Variants in ZNF638 observed in about 807,000 individuals in gnomAD.
ZNF638 encodes the protein zinc finger protein 638.
A neutral mutation model predicts 195.6 loss-of-function variants in ZNF638; 46 were observed. The observed-to-expected ratio is 0.24, with a 90% CI of 0.19 to 0.30. The LOEUF (loss-of-function observed/expected upper bound fraction) is 0.30, where lower values mean the gene tolerates loss of function less well. ZNF638 is among the 10% of genes least tolerant of loss of function. The probability of loss-of-function intolerance (pLI) is 1.00; values close to 1 mark genes in which losing one functional copy is unlikely to be tolerated. For synonymous variants in ZNF638, 845 were observed against 772.0 expected, an observed-to-expected ratio of 1.09 and a Z score of -1.57; for missense variants, 2,440 against 2,325.3, an observed-to-expected ratio of 1.05 and a Z score of -1.01.
At chr2:71,422,454 A>T (rs1228355504) in intron 21 of ZNF638, among the ~76,000 whole-genome samples, 1 of 152,168 alleles carries the variant, frequency 6.6e-6, no homozygotes, top group Non-Finnish European at 1.5e-5. Flanking sequence ...ATATTTTATT[A>T]TTTCAGTTAC....
At chr2:71,340,477 T>C (rs1263905736) in intron 1 of ZNF638, among the ~76,000 whole-genome samples, 2 of 152,208 alleles carry the variant, frequency 1.3e-5, no homozygotes, top group African/African-American at 4.8e-5. Context: ...AATCAGCCTC[T>C]TCTATTAACT....
intron 2 of ZNF638, among the ~76,000 whole-genome samples, chr2:71,354,415 T>G (rs1224202565): frequency 6.6e-6 from 1 of 152,032 alleles, no homozygotes; most frequent in Non-Finnish European, 1.5e-5. Context: ...TAGGACAGAT[T>G]TATTTGTAAA....
Position 71,349,171 on chromosome 2 carries a change from G to A in ZNF638, c.217G>A (p.Val73Ile), listed in dbSNP as rs755317686. The A allele has an allele frequency of 1.7e-5, 27 of 1,614,002 alleles. No homozygotes were observed. Among genetic ancestry groups the A allele is most frequent in the East Asian group, 1.1e-4 (5 of 44,892 alleles). Reference sequence around the variant, plus strand: ...GGGGCCACAGAGAATGAATGTTCAGGTAACTCAACACAGAACTGATCCAAG... The same window carrying A: ...GGGGCCACAGAGAATGAATGTTCAGATAACTCAACACAGAACTGATCCAAG... Reference protein sequence around the residue: ...NMGPQRMNVQVTQHRTDPRLT... With the variant: ...NMGPQRMNVQITQHRTDPRLT... Residue 73 changes from valine to isoleucine, a missense_variant, in exon 2 of 28, where the codon GTA becomes ATA. Around this residue, in one of 5 missense-constraint regions of ZNF638, gnomAD observed 191 missense variants for 173.8 expected, o/e 1.10. Transcript: ENST00000264447.
intron 1 of ZNF638, among the ~76,000 whole-genome samples, chr2:71,343,030 A>G (rs191348833): frequency 6.6e-6 from 1 of 152,340 alleles, no homozygotes; most frequent in East Asian, 1.9e-4. Context: ...AAACATGTTT[A>G]GTAAGACATT....
rs765720870 is a variant in ZNF638 at position 71,349,377 on chromosome 2, A to C, written c.423A>C (p.Ser141=). The C allele has an allele frequency of 6.2e-7, 1 of 1,614,174 alleles. No individual in the cohort carries two copies. The highest frequency in any genetic ancestry group is 2.2e-5 in the East Asian group (1 of 44,884). ...GCCGCTATACAAAAGAGAGTGCCTC[A>C]AGTATCTTAGCAAGTTTTGGATTAT... The part of the protein sequence containing the change: ...VQSRYTKESA[S]SILASFGLSN... The change falls in exon 2 of 28, where the codon TCA becomes TCC. Residue 141 remains serine (S), a synonymous_variant. Transcript: ENST00000264447.
chr2:71,389,554 G>A (rs563792183), intron 10 of ZNF638, among the ~76,000 whole-genome samples: 10 of 152,216 alleles, frequency 6.6e-5, no homozygotes, highest in South Asian at 2.1e-4. Context: ...TCAATTGGCC[G>A]GGCAAAACAT....
At chr2:71,336,227 T>C (rs1479832486) in intron 1 of ZNF638, among the ~76,000 whole-genome samples, 2 of 151,794 alleles carry the variant, frequency 1.3e-5, no homozygotes, top group South Asian at 4.2e-4. Context: ...CAAAATTAGC[T>C]GGGGTGGTGG....
In ZNF638 at chr2:71,350,003, G is replaced by A. The variant is rs774301789; in HGVS notation, c.1049G>A (p.Arg350Gln). ...ELISSVSQQE[R>Q]IPHEPVINSS... ...ATTTCATCTGTAAGCCAGCAAGAGC[G>A]GATCCCACATGAACCTGTGATTAAT... Residue 350 changes from arginine to glutamine, a missense_variant, in exon 2 of 28, where the codon CGG becomes CAG. Physicochemically the swap from Arg to Gln is conservative, Grantham distance 43 (BLOSUM62 1). Around this residue, in one of 5 missense-constraint regions of ZNF638, gnomAD observed 305 missense variants for 283.6 expected, o/e 1.08. Coordinates refer to ENST00000264447, the MANE Select transcript of ZNF638 (RefSeq NM_014497.5). The A allele has an allele frequency of 8.7e-6, 14 of 1,614,036 alleles. No homozygotes were observed. Among genetic ancestry groups the A allele is most frequent in the Admixed American group, 5.0e-5 (3 of 60,004 alleles).
At chr2:71,420,637 G>C (rs1224698657) in intron 21 of ZNF638, among the ~76,000 whole-genome samples, 1 of 152,172 alleles carries the variant, frequency 6.6e-6, no homozygotes, top group Admixed American at 6.5e-5. Context: ...TGGCAAATGA[G>C]ATATCTGTAT....
At chr2:71,373,040 T>C (rs547893990) in intron 8 of ZNF638, among the ~76,000 whole-genome samples, 13 of 152,314 alleles carry the variant, frequency 8.5e-5, no homozygotes, top group Non-Finnish European at 1.6e-4. Context: ...CCCAATGGAA[T>C]GGTTGGTTTA....
chr2:71,396,124 T>A lies in ZNF638; in HGVS notation c.2378-17T>A, dbSNP rs371068509. On this transcript the variant is annotated splice_polypyrimidine_tract_variant and intron_variant, in intron 10 of 27. Transcript: ENST00000264447. The stretch of plus-strand genomic sequence containing the variant: ...TATTTGTAATGTAGTACTTAAATGT[T>A]TTTCTTGTTGTTTTAGCCAAAACTG... 7.0e-5 allele frequency: 112 copies of A among 1,611,100 alleles called. 1 individual carries two copies. In the South Asian group the frequency reaches 1.0e-3, roughly 15 times the overall value.
intron 20 of ZNF638, among the ~76,000 whole-genome samples, chr2:71,417,380 A>G (rs1282042432): frequency 1.3e-5 from 2 of 150,566 alleles, no homozygotes; most frequent in Admixed American, 6.6e-5. Flanking sequence ...ACTGTCTGGC[A>G]CTCCCTAGTG....
rs146624621 is a variant in ZNF638, at chr2:71,358,947, T to C, written c.1379+3167T>C. On this transcript the variant is annotated intron_variant, in intron 3 of 27. Coordinates refer to ENST00000264447, the MANE Select transcript of ZNF638 (RefSeq NM_014497.5). ...CTGAGGGCTCATGATCAGTATTTTT[T>C]AGCAATAAAGTACTTTTTAATTAAT... 2.4e-3 allele frequency among the ~76,000 whole-genome samples: 364 copies of C among 152,348 alleles called. 1 individual carries two copies. The highest frequency in any genetic ancestry group is 8.5e-3 in the African/African-American group (352 of 41,582).
At chr2:71,399,495 G>A in intron 12 of ZNF638, 64 bp from the exon 13 acceptor site, 1 of 1,138,902 alleles carries the variant, frequency 8.8e-7, no homozygotes, top group Non-Finnish European at 1.3e-6. Context: ...TAATACATTA[G>A]TGTGAAACAT....
chr2:71,407,279 A>G (rs879743986), intron 19 of ZNF638: 3 of 152,208 alleles, frequency 2.0e-5, no homozygotes, highest in Non-Finnish European at 2.9e-5. Context: ...ATAGTGTGAC[A>G]TAGAATGGAA....
rs529475695 is a variant in ZNF638 at position 71,418,494 on chromosome 2, T to A, written c.3262-108T>A. On this transcript the variant is annotated intron_variant, in intron 20 of 27. Coordinates refer to ENST00000264447, the MANE Select transcript of ZNF638 (RefSeq NM_014497.5). Reference sequence around the variant, plus strand: ...AAAACTAGCTGCTTTGATACATTTTTAAGGTTTTTTTTTTTGAGCTTAAAT... The same window carrying A: ...AAAACTAGCTGCTTTGATACATTTTAAAGGTTTTTTTTTTTGAGCTTAAAT... The A allele has an allele frequency of 1.6e-5, 12 of 740,744 alleles. No homozygotes were observed. In the South Asian group the frequency reaches 3.5e-4, roughly 22 times the overall value. 45.9% of individuals were successfully genotyped at this position (740,744 alleles called of 1,614,324 possible).
chr2:71,422,532 G>A (rs772210254), intron 21 of ZNF638, among the ~76,000 whole-genome samples: 8 of 152,190 alleles, frequency 5.3e-5, no homozygotes, highest in Admixed American at 2.0e-4. Context: ...TTCAATGTCA[G>A]GGGTTAACTT....
intron 19 of ZNF638, chr2:71,407,250 A>G (rs1302544141): frequency 1.3e-5 from 2 of 152,210 alleles, no homozygotes; most frequent in African/African-American, 4.8e-5. Context: ...TAAATAGAGC[A>G]TAGAATGGAA....
chr2:71,377,819 G>T (rs1386019864), intron 8 of ZNF638, among the ~76,000 whole-genome samples: 1 of 152,210 alleles, frequency 6.6e-6, no homozygotes, highest in Non-Finnish European at 1.5e-5. Context: ...TGGTTATGGT[G>T]GGGCACCTTA....
Sources: gnomAD v4.1 joint callset for allele counts (sites outside exome capture counted in the v4.1 genomes callset) on GRCh38, gnomAD v4.1.1 for gene constraint, gnomAD v4.1.1 regional missense constraint, MANE v1.5 for transcripts, NCBI Gene and HGNC (gene_info 2026-07-23, HGNC 2026-07-21) for gene names.